Variants in PRKG2 observed in about 807,000 individuals in gnomAD.
PRKG2 encodes the protein cGMP-dependent protein kinase 2.
PRKG2 carries 33 observed loss-of-function variants against 97.2 expected under a neutral mutation model. The observed-to-expected ratio is 0.34, with a 90% CI of 0.26 to 0.45. The LOEUF (loss-of-function observed/expected upper bound fraction) is 0.45. Among genes scored for constraint, PRKG2 ranks in the 20% least tolerant of loss-of-function variants. PRKG2 has a pLI of 1.00. For missense variants in PRKG2, 638 were observed against 900.0 expected, an observed-to-expected ratio of 0.71 and a Z score of 3.73; for synonymous variants, 330 against 321.8, an observed-to-expected ratio of 1.03 and a Z score of -0.27.
rs372200238 is a variant in PRKG2 at position 81,187,674 on chromosome 4, T to C, written c.462-12715A>G. ...TCAAATAGGAAAAGAGGAAGTCAAA[T>C]TGTCTCTGTTTGCAGATGACATGAT... On this transcript the variant is annotated intron_variant, in intron 2 of 18. Coordinates refer to ENST00000264399, the MANE Select transcript of PRKG2 (RefSeq NM_006259.3). Among the ~76,000 whole-genome samples, 42 of 152,280 alleles carry C rather than the reference T, an allele frequency of 2.8e-4. No individual in the cohort carries two copies. In the East Asian group the frequency reaches 4.2e-3, roughly 15 times the overall value.
At chr4:81,132,987 G>GT (rs751651874) in intron 14 of PRKG2, among the ~76,000 whole-genome samples, 2 of 152,028 alleles carry the variant, frequency 1.3e-5, no homozygotes, top group East Asian at 1.9e-4. Flanking sequence ...ATACATTCAT[G>GT]TTTTTTAATG....
intron 2 of PRKG2, among the ~76,000 whole-genome samples, chr4:81,197,247 T>C (rs1391761159): frequency 6.6e-6 from 1 of 151,954 alleles, no homozygotes; most frequent in Non-Finnish European, 1.5e-5. Flanking sequence ...GAATGGGCAG[T>C]GTCCAGAATG....
chr4:81,173,603 G>T (rs1750672377), intron 3 of PRKG2, among the ~76,000 whole-genome samples: 1 of 152,050 alleles, frequency 6.6e-6, no homozygotes, highest in South Asian at 2.1e-4. Flanking sequence ...TAAGTAGAAT[G>T]ATTCCTTGGG....
chr4:81,216,769 A>G (rs1754285867), upstream of PRKG2, among the ~76,000 whole-genome samples: 1 of 151,948 alleles, frequency 6.6e-6, no homozygotes, highest in African/African-American at 2.4e-5. Context: ...GCCACTTATA[A>G]GAGATTCTGC....
chr4:81,210,615 G>C (rs991390286), intron 1 of PRKG2, among the ~76,000 whole-genome samples: 2 of 152,112 alleles, frequency 1.3e-5, no homozygotes, highest in African/African-American at 2.4e-5. Context: ...AATACAAAAT[G>C]ATATAGTTAC....
chr4:81,154,464 G>T (rs1356321395), intron 6 of PRKG2, among the ~76,000 whole-genome samples: 1 of 150,132 alleles, frequency 6.7e-6, no homozygotes, highest in Non-Finnish European at 1.5e-5. Flanking sequence ...CCCTGACCCT[G>T]ACCCCCGAGC....
At chr4:81,197,417 C>T (rs967102079) in intron 2 of PRKG2, among the ~76,000 whole-genome samples, 29 of 152,162 alleles carry the variant, frequency 1.9e-4, no homozygotes, top group African/African-American at 7.0e-4. Flanking sequence ...CAATTTGGAA[C>T]CAAGCAGATC....
At chr4:81,153,031 T>C (rs1748572623) in intron 7 of PRKG2, among the ~76,000 whole-genome samples, 1 of 152,224 alleles carries the variant, frequency 6.6e-6, no homozygotes, top group Non-Finnish European at 1.5e-5. Context: ...ATTTCACAAA[T>C]GCTTTTCATC....
At chr4:81,172,017 G>A (rs965761496) in intron 3 of PRKG2, among the ~76,000 whole-genome samples, 5 of 151,670 alleles carry the variant, frequency 3.3e-5, no homozygotes, top group Admixed American at 3.3e-4. Context: ...TACGCTATCT[G>A]TCTGAAGTTC....
At position 81,092,465 on chromosome 4, in the gene PRKG2, A is replaced by AAGGAAGGAAGG. The variant is rs374648052; in HGVS notation, c.2127-14_2127-13insCCTTCCTTCCT. ...ACCATTTAACCACCTGAGAAATGAG[A>AAGGAAGGAAGG]AAGGAAGGAAGGAAGGAAGGAAGGA... On this transcript the variant is annotated splice_polypyrimidine_tract_variant and intron_variant, in intron 17 of 18. Transcript: ENST00000264399. 4.0e-5 allele frequency: 37 copies of AAGGAAGGAAGG among 926,504 alleles called. No individual in the cohort carries two copies. Among genetic ancestry groups the AAGGAAGGAAGG allele is most frequent in the South Asian group, 8.7e-5 (5 of 57,762 alleles). The allele number at this position is 926,504 out of a possible 1,614,324, so 57.4% of individuals were successfully genotyped here.
intron 6 of PRKG2, among the ~76,000 whole-genome samples, chr4:81,156,429 G>A (rs1034898337): frequency 1.3e-5 from 2 of 152,092 alleles, no homozygotes; most frequent in African/African-American, 4.8e-5. Flanking sequence ...GATTCATAAA[G>A]CAAGTCCTGA....
At chr4:81,099,541 G>T (rs549231635) in intron 17 of PRKG2, among the ~76,000 whole-genome samples, 194 of 152,100 alleles carry the variant, frequency 1.3e-3, no homozygotes, top group African/African-American at 4.3e-3. Flanking sequence ...CTCAATAAAT[G>T]AGGTATTGAT....
At chr4:81,169,299 T>C (rs72878892) in intron 5 of PRKG2, among the ~76,000 whole-genome samples, 2,050 of 152,206 alleles carry the variant, frequency 0.013, 27 homozygotes, top group Middle Eastern at 0.041. Flanking sequence ...CTAAGCAAAG[T>C]ACTTTTAGAA....
intron 5 of PRKG2, among the ~76,000 whole-genome samples, chr4:81,169,234 A>G (rs1578459761): frequency 6.6e-6 from 1 of 152,220 alleles, no homozygotes; most frequent in Middle Eastern, 3.4e-3. Flanking sequence ...TGCAAATAAG[A>G]AAGTCTCAGG....
chr4:81,117,979 G>A (rs1174956542), intron 14 of PRKG2, among the ~76,000 whole-genome samples: 1 of 152,130 alleles, frequency 6.6e-6, no homozygotes, highest in South Asian at 2.1e-4. Flanking sequence ...AAAATCCTCT[G>A]TGTCCTGCCT....
chr4:81,138,281 T>C (rs1459634992), intron 12 of PRKG2, among the ~76,000 whole-genome samples: 1 of 152,164 alleles, frequency 6.6e-6, no homozygotes, highest in African/African-American at 2.4e-5. Context: ...CAACCTTGTG[T>C]AAAAGCAGTT....
chr4:81,167,979 T>C (rs1358020979), intron 5 of PRKG2, among the ~76,000 whole-genome samples: 4 of 152,096 alleles, frequency 2.6e-5, no homozygotes, highest in Non-Finnish European at 5.9e-5. Flanking sequence ...TGATGTCTTA[T>C]AACTTACATA....
At chr4:81,108,226 A>G (rs1324987689) in intron 15 of PRKG2, among the ~76,000 whole-genome samples, 1 of 151,976 alleles carries the variant, frequency 6.6e-6, no homozygotes, top group African/African-American at 2.4e-5. Context: ...AATAATAAAA[A>G]CACTTTCATA....
intron 6 of PRKG2, among the ~76,000 whole-genome samples, chr4:81,158,370 C>T (rs1363016110): frequency 6.8e-6 from 1 of 147,510 alleles, no homozygotes; most frequent in Non-Finnish European, 1.5e-5. Flanking sequence ...ATCCAACTTA[C>T]AAGGCATGTG....
Sources: allele counts gnomAD v4.1 joint callset (sites outside exome capture counted in the v4.1 genomes callset), GRCh38; gene constraint gnomAD v4.1.1; transcripts MANE v1.5; gene names NCBI Gene and HGNC (gene_info 2026-07-23, HGNC 2026-07-21).